The following POMZP3 variants were observed in gnomAD, a reference collection of about 807,000 sequenced individuals.
The protein encoded by POMZP3 is POM121 and ZP3 fusion, also known as POM121 and ZP3 fusion protein.
In POMZP3, 10 loss-of-function variants were observed where a neutral mutation model predicts 19.8. The observed-to-expected ratio is 0.51, with a 90% CI of 0.31 to 0.86. The LOEUF is 0.86. Among genes scored for constraint, POMZP3 ranks in the 40% least tolerant of loss-of-function variants. The pLI, the probability that POMZP3 is intolerant of heterozygous loss-of-function variation, is 0.04. For synonymous variants in POMZP3, 57 were observed against 85.8 expected, an observed-to-expected ratio of 0.66 and a Z score of 1.85; for missense variants, 152 against 228.1, an observed-to-expected ratio of 0.67 and a Z score of 2.15.
At chr7:76,623,410 C>A (rs992561639) in intron 3 of POMZP3, among the ~76,000 whole-genome samples, 1 of 149,636 alleles carries the variant, frequency 6.7e-6, no homozygotes, top group African/African-American at 2.5e-5. Flanking sequence ...GTCCAGAACC[C>A]AGCATGCAGT....
Position 76,610,177 on chromosome 7 carries a change from A to C in POMZP3, c.*50T>G, listed in dbSNP as rs1006833618. 4.5e-6 allele frequency: 7 copies of C among 1,559,304 alleles called. No individual in the cohort carries two copies. The highest frequency in any genetic ancestry group is 5.2e-6 in the Non-Finnish European group (6 of 1,155,144). On this transcript the variant is annotated 3_prime_UTR_variant, in exon 7 of 7. Transcript: ENST00000310842. ...TCATGGTCACCCCTCCTGTCCAGGA[A>C]GATCAGTGGCCCCACGGTGACATCT...
chr7:76,621,257 C>G (rs1222477753), intron 3 of POMZP3: 1 of 151,020 alleles, frequency 6.6e-6, no homozygotes, highest in Non-Finnish European at 1.5e-5. Context: ...AGCGGACGCA[C>G]TAGACAACCA....
chr7:76,626,510 G>A (rs1815908866), intron 1 of POMZP3, 198 bp downstream of exon 1: 2 of 599,512 alleles, frequency 3.3e-6, no homozygotes, highest in African/African-American at 1.9e-5. Context: ...TGGAAAGAAG[G>A]GAATCGTTTT....
Position 76,626,126 on chromosome 7 carries a change from A to C in POMZP3, c.-62T>G. 6.2e-7 allele frequency: 1 copy of C among 1,612,526 alleles called. No homozygotes were observed. Among genetic ancestry groups the C allele is most frequent in the Non-Finnish European group, 8.5e-7 (1 of 1,179,148 alleles). ...ATAACCATTCCAGCACACTGTGGGAAGTACCCCCGGACAGGAATACTGGGC... is the reference window on the plus strand; with the variant it reads ...ATAACCATTCCAGCACACTGTGGGACGTACCCCCGGACAGGAATACTGGGC... On this transcript the variant is annotated 5_prime_UTR_variant, in exon 2 of 7. Transcript: ENST00000310842.
At chr7:76,625,963 C>G (rs781640762) in intron 2 of POMZP3, 37 bp downstream of exon 2, 8 of 1,610,858 alleles carry the variant, frequency 5.0e-6, no homozygotes, top group Non-Finnish European at 5.9e-6. Context: ...AAAGTGGACA[C>G]GAAAAGGGAG....
rs566635775 is a variant in POMZP3, at chr7:76,620,475, CTT to C, written c.228-2177_228-2176del. On this transcript the variant is annotated intron_variant, in intron 3 of 6. Transcript: ENST00000310842. ...AACCAGTGAAAAGGGTGAGCCTTTTCTTTTGTTTTTGAGATGGAGTTTCACTC... is the reference window on the plus strand; with the variant it reads ...AACCAGTGAAAAGGGTGAGCCTTTTCTTGTTTTTGAGATGGAGTTTCACTC... Among the ~76,000 whole-genome samples, 35 of 150,566 alleles carry C rather than the reference CTT, an allele frequency of 2.3e-4. 1 individual carries two copies. Among genetic ancestry groups the C allele is most frequent in the Admixed American group, 2.2e-3 (33 of 15,058 alleles).
At position 76,611,259 on chromosome 7, in the gene POMZP3, C is replaced by G. The variant is rs188213226; in HGVS notation, c.*11+195G>C. Among the ~76,000 whole-genome samples, 51 of 152,050 alleles carry G rather than the reference C, an allele frequency of 3.4e-4. 1 individual carries two copies. The highest frequency in any genetic ancestry group is 6.2e-4 in the Non-Finnish European group (42 of 67,980). On this transcript the variant is annotated intron_variant, in intron 6 of 6. Coordinates refer to ENST00000310842, the MANE Select transcript of POMZP3 (RefSeq NM_012230.5). ...TAGGATGACAGCAGATCTACCCTGG[C>G]TGCCACCGAGGTGGAAGGCTGAGAG...
At chr7:76,618,537 C>T in intron 3 of POMZP3, 2 of 549,392 alleles carry the variant, frequency 3.6e-6, no homozygotes, top group Admixed American at 3.2e-5. Context: ...AGGAGAATCG[C>T]TTGAATCTGG....
At chr7:76,616,280 CAA>C (rs1161112529) in intron 4 of POMZP3, among the ~76,000 whole-genome samples, 16 of 57,672 alleles carry the variant, frequency 2.8e-4, no homozygotes, top group Admixed American at 5.9e-4. Flanking sequence ...GAGACTGTCT[CAA>C]AAAAAAAAAA....
At chr7:76,622,938 C>A (rs1371474359) in intron 3 of POMZP3, among the ~76,000 whole-genome samples, 5 of 151,518 alleles carry the variant, frequency 3.3e-5, no homozygotes, top group African/African-American at 1.2e-4. Flanking sequence ...GTAGCTGGAT[C>A]ATATCTCACT....
chr7:76,622,872 C>CT (rs1215209887), intron 3 of POMZP3, among the ~76,000 whole-genome samples: 69 of 147,272 alleles, frequency 4.7e-4, no homozygotes, highest in Admixed American at 6.8e-4. Context: ...ATCTAAATTC[C>CT]TTTTTTTTTT....
chr7:76,623,210 C>T (rs992989944), intron 3 of POMZP3, among the ~76,000 whole-genome samples: 13 of 151,490 alleles, frequency 8.6e-5, no homozygotes, highest in African/African-American at 3.2e-4. Flanking sequence ...TTCACTTTTC[C>T]CCCTGTGATA....
chr7:76,626,341 A>C, intron 1 of POMZP3, 126 bp from the exon 2 acceptor site: 1 of 975,982 alleles, frequency 1.0e-6, no homozygotes, highest in African/African-American at 1.6e-5. Flanking sequence ...GCAACACAGA[A>C]CACGTTGTTT....
At chr7:76,622,373 AG>A (rs1815613276) in intron 3 of POMZP3, among the ~76,000 whole-genome samples, 1 of 101,022 alleles carries the variant, frequency 9.9e-6, no homozygotes, top group Non-Finnish European at 2.0e-5. Flanking sequence ...ATCATTCTCA[AG>A]TTTTTTTTTT....
In POMZP3 at chr7:76,626,022, T is replaced by G. The variant is rs1815868072; in HGVS notation, c.43A>C (p.Arg15=). 1.2e-6 allele frequency: 2 copies of G among 1,613,862 alleles called. No homozygotes were observed. The highest frequency in any genetic ancestry group is 4.5e-5 in the East Asian group (2 of 44,874). The change falls in exon 2 of 7, where the codon AGA becomes CGA. Residue 15 remains arginine (R), a synonymous_variant. Coordinates refer to ENST00000310842, the MANE Select transcript of POMZP3 (RefSeq NM_012230.5). The part of the protein sequence containing the change: ...PVTLRIAPPD[R]RFSRSAIPEQ... ...CACATCGCAGAACGCGAAAATCTTCTGTCAGGAGGGGCGATCCTCAGAGTC... is the reference window on the plus strand; with the variant it reads ...CACATCGCAGAACGCGAAAATCTTCGGTCAGGAGGGGCGATCCTCAGAGTC...
At chr7:76,611,153 C>A (rs1326098776) in intron 6 of POMZP3, among the ~76,000 whole-genome samples, 2 of 149,264 alleles carry the variant, frequency 1.3e-5, no homozygotes, top group African/African-American at 2.5e-5. Context: ...GGATTACAGG[C>A]CTGAGCCACT....
In POMZP3 at chr7:76,623,192, T is replaced by C. The variant is rs545078575; in HGVS notation, c.227+2330A>G. 1.2e-3 allele frequency among the ~76,000 whole-genome samples: 175 copies of C among 151,960 alleles called. 2 individuals carry two copies. Among genetic ancestry groups the C allele is most frequent in the Admixed American group, 2.6e-3 (39 of 15,242 alleles). ...CAGCCCAAATTGATTGTGGTTTTTTTTTTTTATTTCACTTTTCCCCCTGTG... is the reference window on the plus strand; with the variant it reads ...CAGCCCAAATTGATTGTGGTTTTTTCTTTTTATTTCACTTTTCCCCCTGTG... On this transcript the variant is annotated intron_variant, in intron 3 of 6. Coordinates refer to ENST00000310842, the MANE Select transcript of POMZP3 (RefSeq NM_012230.5).
chr7:76,626,171 C>T lies in POMZP3; in HGVS notation c.-107G>A. ...CTGGGCCTGATGGATCGGATAGCGT[C>T]TTCGAGGTGTTATTACAAACCGATC... On this transcript the variant is annotated 5_prime_UTR_variant, in exon 2 of 7. Coordinates refer to ENST00000310842, the MANE Select transcript of POMZP3 (RefSeq NM_012230.5). 1 of 1,592,084 alleles carries T rather than the reference C, an allele frequency of 6.3e-7. No homozygotes were observed. The highest frequency in any genetic ancestry group is 1.7e-4 in the Middle Eastern group (1 of 6,036).
chr7:76,611,873 C>T (rs1193942243), intron 4 of POMZP3, 60 bp from the exon 5 acceptor site: 29 of 1,506,788 alleles, frequency 1.9e-5, no homozygotes, highest in Non-Finnish European at 2.5e-5. Flanking sequence ...GAGTTTAACA[C>T]ACCAGTTCTC....
Sources: allele counts gnomAD v4.1 joint callset (sites outside exome capture counted in the v4.1 genomes callset), GRCh38; gene constraint gnomAD v4.1.1; transcripts MANE v1.5; gene names NCBI Gene and HGNC (gene_info 2026-07-23, HGNC 2026-07-21).